The following ERBB4 variants were observed in gnomAD, a reference collection of about 807,000 sequenced individuals.
ERBB4 encodes erb-b2 receptor tyrosine kinase 4, also known as receptor tyrosine-protein kinase erbB-4.
ERBB4 carries 42 observed loss-of-function variants against 158.0 expected under a neutral mutation model. The observed-to-expected ratio is 0.27, with a 90% CI of 0.21 to 0.34. The LOEUF (loss-of-function observed/expected upper bound fraction) is 0.34. ERBB4 is among the 10% of genes least tolerant of loss of function. ERBB4 has a pLI of 1.00. For missense variants in ERBB4, 1,333 were observed against 1,624.1 expected (o/e 0.82, Z 3.08); for synonymous variants, 583 against 558.7 (o/e 1.04, Z -0.61).
chr2:212,231,726 T>C (rs1161802559), intron 1 of ERBB4, among the ~76,000 whole-genome samples: 1 of 152,212 alleles, frequency 6.6e-6, no homozygotes, highest in African/African-American at 2.4e-5. Flanking sequence ...TTTATCCCTA[T>C]AGTTTTTACT....
At chr2:212,020,093 T>C (rs1344611529) in intron 2 of ERBB4, among the ~76,000 whole-genome samples, 4 of 152,102 alleles carry the variant, frequency 2.6e-5, no homozygotes, top group African/African-American at 9.7e-5. Flanking sequence ...AACAATATAT[T>C]CCACAGCATC....
intron 1 of ERBB4, among the ~76,000 whole-genome samples, chr2:212,315,630 A>C (rs1172833090): frequency 6.6e-6 from 1 of 151,312 alleles, no homozygotes; most frequent in African/African-American, 2.4e-5. Context: ...GAGCTATACA[A>C]ATATCCTGCC....
At chr2:212,152,812 C>A (rs2080913197) in intron 1 of ERBB4, among the ~76,000 whole-genome samples, 1 of 152,154 alleles carries the variant, frequency 6.6e-6, no homozygotes, top group African/African-American at 2.4e-5. Flanking sequence ...CAGTGAATGA[C>A]CACCAATAGC....
Position 211,858,282 on chromosome 2 carries a change from T to C in ERBB4, c.422-70123A>G, listed in dbSNP as rs147095473. Among the ~76,000 whole-genome samples, 390 of 152,288 alleles carry C rather than the reference T, an allele frequency of 2.6e-3. 1 individual carries two copies. Among genetic ancestry groups the C allele is most frequent in the African/African-American group, 9.2e-3 (381 of 41,570 alleles). ...CACATAGTGAGAAAAAGCAATGAGC[T>C]GATTGGAAGACTGCACAGTACCCTT... On this transcript the variant is annotated intron_variant, in intron 3 of 27. Coordinates refer to ENST00000342788, the MANE Select transcript of ERBB4 (RefSeq NM_005235.3).
At chr2:212,244,377 A>G (rs762139728) in intron 1 of ERBB4, among the ~76,000 whole-genome samples, 3 of 152,282 alleles carry the variant, frequency 2.0e-5, no homozygotes, top group Non-Finnish European at 4.4e-5. Flanking sequence ...GGGTCATGAC[A>G]GGAGCATTCT....
At chr2:212,101,825 G>A (rs77136651) in intron 2 of ERBB4, among the ~76,000 whole-genome samples, 10,012 of 151,414 alleles carry the variant, frequency 0.066, 439 homozygotes, top group Middle Eastern at 0.092. Flanking sequence ...TTCCTCTCCC[G>A]CTGGAAGCTT....
intron 1 of ERBB4, among the ~76,000 whole-genome samples, chr2:212,283,904 G>A (rs1415958553): frequency 1.6e-4 from 24 of 151,944 alleles, no homozygotes; most frequent in Non-Finnish European, 1.5e-5. Flanking sequence ...CATTGTTATT[G>A]TTTATTGACA....
chr2:211,533,368 T>C (rs2066553713), intron 20 of ERBB4, among the ~76,000 whole-genome samples: 1 of 152,082 alleles, frequency 6.6e-6, no homozygotes, highest in African/African-American at 2.4e-5. Flanking sequence ...TACCTATTTT[T>C]CATAGACAGT....
Position 212,027,238 on chromosome 2 carries a change from C to T in ERBB4, c.235-79622G>A, listed in dbSNP as rs560122983. ...TGTACATGAACACATATTTTAAACA[C>T]TTTCATTAAATTTAACCATGGAAAA... On this transcript the variant is annotated intron_variant, in intron 2 of 27. Coordinates refer to ENST00000342788, the MANE Select transcript of ERBB4 (RefSeq NM_005235.3). Among the ~76,000 whole-genome samples, 163 of 152,036 alleles carry T rather than the reference C, an allele frequency of 1.1e-3. 2 individuals carry two copies. The highest frequency in any genetic ancestry group is 3.4e-3 in the Middle Eastern group (1 of 294).
chr2:211,833,521 T>C (rs77974167), intron 3 of ERBB4, among the ~76,000 whole-genome samples: 1,920 of 152,064 alleles, frequency 0.013, 46 homozygotes, highest in African/African-American at 0.043. Context: ...CAATGATTTG[T>C]TTAGACTCAG....
At chr2:212,538,005 G>A (rs1560588157) in intron 1 of ERBB4, among the ~76,000 whole-genome samples, 1 of 152,142 alleles carries the variant, frequency 6.6e-6, no homozygotes, top group Admixed American at 6.5e-5. Flanking sequence ...GCTCTCCACC[G>A]CCCTTCGGGC....
At chr2:212,312,923 A>G (rs2087112610) in intron 1 of ERBB4, among the ~76,000 whole-genome samples, 1 of 150,892 alleles carries the variant, frequency 6.6e-6, no homozygotes, top group Non-Finnish European at 1.5e-5. Flanking sequence ...AGTTACTATG[A>G]GCTAAATCAG....
At chr2:211,610,469 G>C (rs186959973) in intron 19 of ERBB4, among the ~76,000 whole-genome samples, 6 of 152,106 alleles carry the variant, frequency 3.9e-5, no homozygotes, top group Admixed American at 2.6e-4. Flanking sequence ...CTATTTTCTG[G>C]TGTTTGCTTG....
chr2:211,979,866 T>G (rs1681050857), intron 2 of ERBB4, among the ~76,000 whole-genome samples: 2 of 152,148 alleles, frequency 1.3e-5, no homozygotes, highest in Non-Finnish European at 2.9e-5. Flanking sequence ...TATTAGATGA[T>G]TTATACATCT....
intron 19 of ERBB4, among the ~76,000 whole-genome samples, chr2:211,579,975 A>G (rs2068017593): frequency 6.6e-6 from 1 of 152,190 alleles, no homozygotes; most frequent in African/African-American, 2.4e-5. Flanking sequence ...AAAATACTAA[A>G]GTTGTCAACT....
intron 1 of ERBB4, among the ~76,000 whole-genome samples, chr2:212,364,081 T>C (rs939313887): frequency 1.3e-5 from 2 of 151,772 alleles, no homozygotes; most frequent in Non-Finnish European, 2.9e-5. Flanking sequence ...ACTTCAAATA[T>C]AGAATATTTC....
At chr2:212,384,646 A>C (rs980411581) in intron 1 of ERBB4, among the ~76,000 whole-genome samples, 1 of 151,662 alleles carries the variant, frequency 6.6e-6, no homozygotes, top group Non-Finnish European at 1.5e-5. Context: ...ATATATGTAC[A>C]AAAAATTAAC....
intron 1 of ERBB4, among the ~76,000 whole-genome samples, chr2:212,148,235 C>CT (rs1413511401): frequency 2.0e-5 from 3 of 151,482 alleles, no homozygotes; most frequent in Non-Finnish European, 4.4e-5. Context: ...GATTATTCTA[C>CT]TTTTTTATGC....
intron 1 of ERBB4, among the ~76,000 whole-genome samples, chr2:212,537,909 C>T (rs1253460861): frequency 6.6e-6 from 1 of 152,168 alleles, no homozygotes; most frequent in Admixed American, 6.5e-5. Context: ...GCGCGAGTTG[C>T]GTCTGACGCC....
Sources: gnomAD v4.1 joint callset for allele counts (sites outside exome capture counted in the v4.1 genomes callset) on GRCh38, gnomAD v4.1.1 for gene constraint, MANE v1.5 for transcripts, NCBI Gene and HGNC (gene_info 2026-07-23, HGNC 2026-07-21) for gene names.